SYT17: variants seen among roughly 807,000 people sequenced by gnomAD.
SYT17 encodes the protein synaptotagmin 17, also known as synaptotagmin-17.
Under a neutral mutation model 46.7 loss-of-function variants are expected in SYT17, and 22 were observed. The observed-to-expected ratio is 0.47, with a 90% CI of 0.34 to 0.67. SYT17 has a LOEUF of 0.67. Ranked by LOEUF, SYT17 falls within the 30% of genes least tolerant of loss-of-function variation. SYT17 has a pLI of 0.01. For synonymous variants in SYT17, 251 were observed against 248.4 expected (o/e 1.01, Z -0.10); for missense variants, 519 against 612.8 (o/e 0.85, Z 1.62).
intron 7 of SYT17, among the ~76,000 whole-genome samples, chr16:19,232,781 G>A (rs948531204): frequency 3.4e-4 from 52 of 152,106 alleles, no homozygotes; most frequent in Admixed American, 5.9e-4. Context: ...GCAGTGACCC[G>A]AGATCACGGC....
intron 5 of SYT17, among the ~76,000 whole-genome samples, chr16:19,214,711 G>T (rs1966026953): frequency 6.6e-6 from 1 of 152,124 alleles, no homozygotes; most frequent in Admixed American, 6.5e-5. Flanking sequence ...TCCAGGGCTG[G>T]GTTAGGATAA....
At chr16:19,240,616 G>A (rs1967027860) in intron 7 of SYT17, among the ~76,000 whole-genome samples, 1 of 152,210 alleles carries the variant, frequency 6.6e-6, no homozygotes, top group Admixed American at 6.5e-5. Flanking sequence ...TTCCACTCTG[G>A]TCCACGGGAC....
At chr16:19,208,228 G>A (rs956243157) in intron 5 of SYT17, among the ~76,000 whole-genome samples, 3 of 152,182 alleles carry the variant, frequency 2.0e-5, no homozygotes, top group African/African-American at 7.2e-5. Context: ...GTTTTCTAGG[G>A]CTGTTGTAAG....
At position 19,195,267 on chromosome 16, in the gene SYT17, C is replaced by A. The variant is rs1386045782; in HGVS notation, c.951+11120C>A. 2.6e-5 allele frequency among the ~76,000 whole-genome samples: 4 copies of A among 152,210 alleles called. No homozygotes were observed. The East Asian group carries it at 7.7e-4, about 29-fold the overall frequency. On this transcript the variant is annotated intron_variant, in intron 5 of 7. Coordinates refer to ENST00000355377, the MANE Select transcript of SYT17 (RefSeq NM_016524.4). ...GCATGCATTAAGCAACCCATCCAAGCCACAGAACTGGGACTTGAACCCATG... is the reference window on the plus strand; with the variant it reads ...GCATGCATTAAGCAACCCATCCAAGACACAGAACTGGGACTTGAACCCATG...
chr16:19,232,066 G>GT (rs999377760), intron 7 of SYT17, among the ~76,000 whole-genome samples: 3 of 152,080 alleles, frequency 2.0e-5, no homozygotes, highest in African/African-American at 2.4e-5. Flanking sequence ...CCGGGCTCCC[G>GT]CCCCGGAAGA....
intron 5 of SYT17, among the ~76,000 whole-genome samples, chr16:19,203,320 G>T (rs889999038): frequency 7.2e-6 from 1 of 138,018 alleles, no homozygotes; most frequent in Non-Finnish European, 1.5e-5. Flanking sequence ...GTGAAACCCC[G>T]TCTCTACTAA....
intron 5 of SYT17, among the ~76,000 whole-genome samples, chr16:19,192,770 G>A (rs779429881): frequency 6.6e-5 from 10 of 152,126 alleles, no homozygotes; most frequent in Non-Finnish European, 1.3e-4. Flanking sequence ...TATAAACAAG[G>A]AATATCAAAC....
At chr16:19,234,753 A>G (rs1966823657) in intron 7 of SYT17, among the ~76,000 whole-genome samples, 1 of 152,218 alleles carries the variant, frequency 6.6e-6, no homozygotes. Flanking sequence ...TTAAAGGCAA[A>G]TCAGCCTGTG....
At chr16:19,169,339 G>A (rs1184574343) in intron 1 of SYT17, among the ~76,000 whole-genome samples, 1 of 151,934 alleles carries the variant, frequency 6.6e-6, no homozygotes, top group East Asian at 1.9e-4. Context: ...GGGCGGAGGG[G>A]TGGGCCGGGC....
intron 5 of SYT17, among the ~76,000 whole-genome samples, chr16:19,202,495 C>T (rs1471462272): frequency 6.6e-6 from 1 of 152,178 alleles, no homozygotes; most frequent in Non-Finnish European, 1.5e-5. Context: ...CTTTCTGAAT[C>T]CCTTCATTTA....
At chr16:19,175,057 A>T (rs947785579) in intron 3 of SYT17, among the ~76,000 whole-genome samples, 1 of 152,110 alleles carries the variant, frequency 6.6e-6, no homozygotes, top group Admixed American at 6.6e-5. Context: ...TGAGCCTAGG[A>T]GGTTGAGGCT....
intron 7 of SYT17, among the ~76,000 whole-genome samples, chr16:19,239,605 G>C (rs912937975): frequency 6.6e-6 from 1 of 152,222 alleles, no homozygotes; most frequent in Non-Finnish European, 1.5e-5. Flanking sequence ...CTGTGTGCCA[G>C]GCACTGCTCC....
intron 5 of SYT17, among the ~76,000 whole-genome samples, chr16:19,209,043 A>T (rs991926261): frequency 1.3e-5 from 2 of 151,390 alleles, no homozygotes; most frequent in South Asian, 2.1e-4. Flanking sequence ...AATTTTTTGT[A>T]TTTTTAGTAG....
rs995797638 is a variant in SYT17, at chr16:19,224,756, C to T, written c.1146C>T (p.Gly382=). ...CCAAGAAGACGTCCTTCTTAAGGGGCACAATTGATCCTTTCTACAATGAAT... is the reference window on the plus strand; with the variant it reads ...CCAAGAAGACGTCCTTCTTAAGGGGTACAATTGATCCTTTCTACAATGAAT... ...VKTKKTSFLR[G]TIDPFYNESF... The change falls in exon 7 of 8, where the codon GGC becomes GGT. Residue 382 remains glycine, a synonymous_variant. Transcript: ENST00000355377. The T allele has an allele frequency of 1.2e-6, 2 of 1,613,958 alleles. No individual in the cohort carries two copies. The highest frequency in any genetic ancestry group is 2.7e-5 in the African/African-American group (2 of 74,912).
intron 5 of SYT17, among the ~76,000 whole-genome samples, chr16:19,217,594 A>G (rs11859081): frequency 0.029 from 4,362 of 152,312 alleles, 212 homozygotes; most frequent in African/African-American, 0.099. Flanking sequence ...TTGTTTATCT[A>G]TCTGTTGATG....
At chr16:19,175,645 C>CA (rs34788366) in intron 3 of SYT17, among the ~76,000 whole-genome samples, 24,017 of 66,904 alleles carry the variant, frequency 0.36, 3,668 homozygotes, top group Middle Eastern at 0.44. Context: ...AGCAAGACTT[C>CA]AAAAAAAAAA....
intron 7 of SYT17, among the ~76,000 whole-genome samples, chr16:19,235,202 G>A (rs8054408): frequency 0.73 from 110,789 of 152,004 alleles, 41,532 homozygotes; most frequent in East Asian, 0.99. Context: ...TTAAGAATAG[G>A]TTCCATAAAA....
chr16:19,255,139 C>T (rs1386091610), intron 7 of SYT17, among the ~76,000 whole-genome samples: 1 of 152,130 alleles, frequency 6.6e-6, no homozygotes, highest in Non-Finnish European at 1.5e-5. Context: ...GGTGACTTTC[C>T]TCCCACCTGC....
intron 7 of SYT17, among the ~76,000 whole-genome samples, chr16:19,242,167 A>G (rs1967181132): frequency 6.6e-6 from 1 of 152,082 alleles, no homozygotes; most frequent in African/African-American, 2.4e-5. Flanking sequence ...AAACACAGAA[A>G]AACAGAAAAA....
Sources: gnomAD v4.1 joint callset for allele counts (sites outside exome capture counted in the v4.1 genomes callset) on GRCh38, gnomAD v4.1.1 for gene constraint, MANE v1.5 for transcripts, NCBI Gene and HGNC (gene_info 2026-07-23, HGNC 2026-07-21) for gene names.